The following LACTB variants were observed in gnomAD, a reference collection of about 807,000 sequenced individuals.
LACTB encodes serine beta-lactamase-like protein LACTB, mitochondrial.
In LACTB, 35 loss-of-function variants were observed where a neutral mutation model predicts 50.2. The ratio of observed to expected loss-of-function variants is 0.70; its 90% CI spans 0.53 to 0.92. The LOEUF is 0.92. Among genes scored for constraint, LACTB ranks in the 40% least tolerant of loss-of-function variants. LACTB has a pLI of 0.00. For missense variants in LACTB, 664 were observed against 691.8 expected (o/e 0.96, Z 0.45); for synonymous variants, 252 against 268.2 (o/e 0.94, Z 0.59).
Position 63,129,574 on chromosome 15 carries a change from C to T in LACTB, c.1042C>T (p.Gln348Ter), listed in dbSNP as rs368235977. The change falls in exon 5 of 6, where the codon CAG becomes TAG. Residue 348 changes from glutamine to a stop codon, truncating the protein, a stop_gained. Coordinates refer to ENST00000261893, the MANE Select transcript of LACTB (RefSeq NM_032857.5). LOFTEE classifies it high-confidence loss of function. ...ASGCKYLDYM[Q>*]KIFHDLDMLT... ...AGGATGTAAATATTTGGACTATATG[C>T]AGAAAATATTCCATGACTTGGATAT... 8 of 1,613,152 alleles carry T rather than the reference C, an allele frequency of 5.0e-6. No homozygotes were observed. The highest frequency in any genetic ancestry group is 1.7e-5 in the Admixed American group (1 of 59,884).
chr15:63,138,559 T>G (rs2037195977), intron 5 of LACTB, among the ~76,000 whole-genome samples: 1 of 152,186 alleles, frequency 6.6e-6, no homozygotes, highest in South Asian at 2.1e-4. Flanking sequence ...ATAAAATTAT[T>G]TTCATAAAAA....
intron 5 of LACTB, chr15:63,130,525 A>AAC (rs1043780652): frequency 6.4e-4 from 37 of 57,510 alleles, no homozygotes; most frequent in Non-Finnish European, 5.7e-4. Flanking sequence ...GAAAAAAAAA[A>AAC]AAAAAAAAAG....
intron 5 of LACTB, among the ~76,000 whole-genome samples, chr15:63,132,827 AT>A (rs71431468): frequency 4.6e-5 from 7 of 152,154 alleles, no homozygotes; most frequent in Non-Finnish European, 7.3e-5. Context: ...TTTAAAAAAA[AT>A]TTTTTTTTGA....
chr15:63,132,208 G>A (rs1019417310), intron 5 of LACTB, among the ~76,000 whole-genome samples: 3 of 151,960 alleles, frequency 2.0e-5, no homozygotes, highest in East Asian at 1.9e-4. Flanking sequence ...TCCTCCCTGC[G>A]TCCCCCTTTT....
chr15:63,127,361 CACAACAAG>C lies in LACTB; in HGVS notation c.626_633del (p.Thr209IlefsTer13), dbSNP rs2037066154. On this transcript the variant is annotated frameshift_variant, in exon 4 of 6. Transcript: ENST00000261893. LOFTEE classifies it high-confidence loss of function. ...CATGTTTTTACAATTAGGTTTCTGT[CACAACAAG>C]ATTACTGATTTCCCATTTAAGTGGA... is the stretch of plus-strand genomic sequence containing the variant. 1 of 1,554,956 alleles carries C rather than the reference CACAACAAG, an allele frequency of 6.4e-7. No homozygotes were observed. The highest frequency in any genetic ancestry group is 2.2e-5 in the Admixed American group (1 of 45,734).
At position 63,122,203 on chromosome 15, in the gene LACTB, G is replaced by T; in HGVS notation, c.332G>T (p.Ser111Ile). The stretch of plus-strand genomic sequence containing the variant: ...TGCTTCGCCAGAGCCATCGAGAGCA[G>T]CCGCGACCTGCTGCACAGGATCAAG... The part of the protein sequence containing the change: ...SRCFARAIES[S>I]RDLLHRIKDE... Residue 111 changes from serine (S) to isoleucine (I), a missense_variant, in exon 1 of 6, where the codon AGC becomes ATC. By Grantham distance (142) the Ser-to-Ile change is moderately radical. Coordinates refer to ENST00000261893, the MANE Select transcript of LACTB (RefSeq NM_032857.5). 1 of 1,549,582 alleles carries T rather than the reference G, an allele frequency of 6.5e-7. No individual in the cohort carries two copies. Among genetic ancestry groups the T allele is most frequent in the East Asian group, 2.4e-5 (1 of 41,506 alleles).
chr15:63,124,740 C>T (rs574349041), intron 2 of LACTB, among the ~76,000 whole-genome samples: 110 of 151,474 alleles, frequency 7.3e-4, no homozygotes, highest in Middle Eastern at 3.5e-3. Context: ...GTTGCCTGAG[C>T]TTAGGAGTTC....
Position 63,122,089 on chromosome 15 carries a change from A to G in LACTB, c.218A>G (p.Asp73Gly). 6.8e-7 allele frequency: 1 copy of G among 1,468,506 alleles called. No individual in the cohort carries two copies. The highest frequency in any genetic ancestry group is 8.9e-7 in the Non-Finnish European group (1 of 1,118,344). 91.0% of individuals were successfully genotyped at this position (1,468,506 alleles called of 1,614,324 possible). A position where few individuals can be genotyped will look rare whatever the true frequency, so the allele number is the denominator to read the frequency against. Residue 73 changes from aspartate (D) to glycine (G), a missense_variant, in exon 1 of 6, where the codon GAC becomes GGC. Coordinates refer to ENST00000261893, the MANE Select transcript of LACTB (RefSeq NM_032857.5). Reference protein sequence around the residue: ...AAPAQSPAAPDPEASPLAEPP... With the variant: ...AAPAQSPAAPGPEASPLAEPP... ...CCGGCGCAGTCCCCCGCGGCCCCCG[A>G]CCCTGAGGCGTCGCCTCTGGCCGAG...
chr15:63,122,525 G>C, intron 1 of LACTB, 111 bp from the exon 2 acceptor site: 3 of 875,434 alleles, frequency 3.4e-6, no homozygotes, highest in Non-Finnish European at 5.7e-6. Flanking sequence ...GGGCCCAGGT[G>C]GAGGGGGCGG....
In LACTB at chr15:63,127,518, G is replaced by T. The variant is rs758834671; in HGVS notation, c.781G>T (p.Asp261Tyr). The change falls in exon 4 of 6, where the codon GAT (aspartate) becomes TAT (tyrosine). Residue 261 changes from aspartate to tyrosine, a missense_variant. By Grantham distance (160) the Asp-to-Tyr change is radical (BLOSUM62 -3). Transcript: ENST00000261893. ...EKEGKSNEKN[D>Y]FTKFKTEQEN... ...AGAAGGCAAAAGTAATGAAAAGAAT[G>T]ATTTTACTAAATTTAAAACAGAGCA... is the stretch of plus-strand genomic sequence containing the variant. 1.2e-6 allele frequency: 2 copies of T among 1,613,504 alleles called. No individual in the cohort carries two copies. The highest frequency in any genetic ancestry group is 1.7e-6 in the Non-Finnish European group (2 of 1,179,834).
At chr15:63,127,119 T>C in intron 3 of LACTB, 70 bp downstream of exon 3, 1 of 1,195,956 alleles carries the variant, frequency 8.4e-7, no homozygotes, top group African/African-American at 1.5e-5. Flanking sequence ...ATATTTAAAA[T>C]GTTTCATAGG....
intron 2 of LACTB, 110 bp from the exon 3 acceptor site, chr15:63,126,749 T>C (rs1049247378): frequency 1.7e-5 from 10 of 572,276 alleles, no homozygotes; most frequent in Admixed American, 1.1e-4. Flanking sequence ...TGGAGTATCT[T>C]TTCTTTTAGA....
At chr15:63,140,527 C>T (rs962146058) in intron 5 of LACTB, among the ~76,000 whole-genome samples, 1 of 152,008 alleles carries the variant, frequency 6.6e-6, no homozygotes, top group South Asian at 2.1e-4. Flanking sequence ...TTTTAGGGGA[C>T]GTATAAGAAT....
At chr15:63,128,412 C>A (rs1474146011) in intron 4 of LACTB, among the ~76,000 whole-genome samples, 1 of 151,954 alleles carries the variant, frequency 6.6e-6, no homozygotes, top group African/African-American at 2.4e-5. Context: ...GTCTGGGCAA[C>A]AAAGCAAGGC....
At chr15:63,133,312 A>C (rs1226756326) in intron 5 of LACTB, among the ~76,000 whole-genome samples, 3 of 152,188 alleles carry the variant, frequency 2.0e-5, no homozygotes, top group African/African-American at 7.2e-5. Context: ...TTTAACTACT[A>C]ATTTACATAA....
chr15:63,129,851 T>C, intron 5 of LACTB: 1 of 545,862 alleles, frequency 1.8e-6, no homozygotes. Context: ...TGATGAAAGA[T>C]AGCAATAATA....
chr15:63,129,642 T>G lies in LACTB; in HGVS notation c.1110T>G (p.Asn370Lys). ...AAGAAAACGAGCCAGTGATTTACAATAGAGCAAGGTAAATGAATACCTTCT... is the reference window on the plus strand; with the variant it reads ...AAGAAAACGAGCCAGTGATTTACAAGAGAGCAAGGTAAATGAATACCTTCT... ...VQEENEPVIY[N>K]RARFYVYNKK... The change falls in exon 5 of 6, where the codon AAT becomes AAG. Residue 370 changes from asparagine to lysine, a missense_variant. Asn to Lys is a moderately conservative substitution (Grantham distance 94). Coordinates refer to ENST00000261893, the MANE Select transcript of LACTB (RefSeq NM_032857.5). 3 of 1,602,612 alleles carry G rather than the reference T, an allele frequency of 1.9e-6. No homozygotes were observed. In the South Asian group the frequency reaches 3.4e-5, roughly 18 times the overall value.
intron 5 of LACTB, among the ~76,000 whole-genome samples, chr15:63,132,006 C>T (rs2037137246): frequency 6.6e-6 from 1 of 151,976 alleles, no homozygotes; most frequent in African/African-American, 2.4e-5. Context: ...AGTGGGGCCA[C>T]ACTGCCCTTT....
intron 5 of LACTB, among the ~76,000 whole-genome samples, chr15:63,139,895 C>T (rs973360734): frequency 2.0e-5 from 3 of 149,630 alleles, no homozygotes; most frequent in African/African-American, 4.9e-5. Flanking sequence ...GCCAGGAGTT[C>T]GAGACCAGGC....
Sources: allele counts gnomAD v4.1 joint callset (sites outside exome capture counted in the v4.1 genomes callset), GRCh38; gene constraint gnomAD v4.1.1; transcripts MANE v1.5; gene names NCBI Gene and HGNC (gene_info 2026-07-23, HGNC 2026-07-21).